The following SYT1 variants were observed in gnomAD, a reference collection of about 807,000 sequenced individuals.
The protein encoded by SYT1 is synaptotagmin 1, also known as synaptotagmin-1.
In SYT1, 8 loss-of-function variants were observed where a neutral mutation model predicts 44.8. The observed-to-expected ratio is 0.18, with a 90% CI of 0.10 to 0.32. The LOEUF (loss-of-function observed/expected upper bound fraction) is 0.32, where lower values mean the gene tolerates loss of function less well. Among genes scored for constraint, SYT1 ranks in the 10% least tolerant of loss-of-function variants. The pLI, the probability that SYT1 is intolerant of heterozygous loss-of-function variation, is 1.00. For synonymous variants in SYT1, 154 were observed against 188.8 expected, an observed-to-expected ratio of 0.82 and a Z score of 1.51; for missense variants, 286 against 509.3, an observed-to-expected ratio of 0.56 and a Z score of 4.22.
chr12:79,003,302 C>G (rs545003591), intron 2 of SYT1, among the ~76,000 whole-genome samples: 2 of 151,872 alleles, frequency 1.3e-5, no homozygotes, highest in East Asian at 1.9e-4. Flanking sequence ...ACTGATCCCC[C>G]CCACCACACA....
chr12:79,195,306 C>T (rs1873385434), intron 3 of SYT1, among the ~76,000 whole-genome samples: 1 of 152,116 alleles, frequency 6.6e-6, no homozygotes, highest in Non-Finnish European at 1.5e-5. Flanking sequence ...TGTCCATCAT[C>T]TGTTTTCAGA....
chr12:79,216,680 T>C (rs1490070019), intron 3 of SYT1, among the ~76,000 whole-genome samples: 2 of 152,210 alleles, frequency 1.3e-5, no homozygotes, highest in Admixed American at 1.3e-4. Context: ...ACTTTATTAA[T>C]TATTTTGGCA....
intron 1 of SYT1, among the ~76,000 whole-genome samples, chr12:78,962,776 A>C (rs1879578828): frequency 6.7e-6 from 1 of 149,226 alleles, no homozygotes; most frequent in Non-Finnish European, 1.5e-5. Context: ...AAATCTACTC[A>C]CCATGCCACA....
chr12:79,175,996 A>T (rs1871838462), intron 3 of SYT1, among the ~76,000 whole-genome samples: 1 of 152,106 alleles, frequency 6.6e-6, no homozygotes, highest in Non-Finnish European at 1.5e-5. Flanking sequence ...TTTGGTTCAG[A>T]AAGTACAGAG....
At chr12:79,403,639 G>A (rs915543169) in intron 9 of SYT1, among the ~76,000 whole-genome samples, 1 of 152,112 alleles carries the variant, frequency 6.6e-6, no homozygotes, top group Non-Finnish European at 1.5e-5. Flanking sequence ...GTTTTATTAT[G>A]ATCTAGATAT....
intron 3 of SYT1, among the ~76,000 whole-genome samples, chr12:79,115,973 A>G (rs1212256853): frequency 1.3e-5 from 2 of 152,242 alleles, no homozygotes; most frequent in Admixed American, 6.5e-5. Context: ...CAAACAGAGT[A>G]GATTCTAATG....
intron 1 of SYT1, among the ~76,000 whole-genome samples, chr12:78,969,286 C>G (rs868244020): frequency 3.8e-4 from 58 of 152,060 alleles, no homozygotes; most frequent in African/African-American, 5.1e-4. Context: ...GGTCCTGGGA[C>G]CAATCCCCAA....
intron 3 of SYT1, among the ~76,000 whole-genome samples, chr12:79,216,576 A>T (rs1404604213): frequency 6.6e-6 from 1 of 152,210 alleles, no homozygotes; most frequent in Non-Finnish European, 1.5e-5. Flanking sequence ...GAAGGTGGAT[A>T]AATTAGGATG....
At chr12:79,265,364 T>C (rs1169222440) in intron 4 of SYT1, among the ~76,000 whole-genome samples, 2 of 152,164 alleles carry the variant, frequency 1.3e-5, no homozygotes, top group Non-Finnish European at 2.9e-5. Flanking sequence ...TTATACTTGA[T>C]ACTGCCCTGT....
chr12:79,022,622 T>C (rs945880862), intron 2 of SYT1, among the ~76,000 whole-genome samples: 1 of 151,586 alleles, frequency 6.6e-6, no homozygotes, highest in African/African-American at 2.4e-5. Flanking sequence ...GTTTTAAATA[T>C]ATTAATTATG....
At chr12:79,288,426 A>G (rs1345810297) in intron 5 of SYT1, among the ~76,000 whole-genome samples, 2 of 152,166 alleles carry the variant, frequency 1.3e-5, no homozygotes, top group East Asian at 3.8e-4. Flanking sequence ...ATCTTAAGAA[A>G]TATCTATATA....
intron 4 of SYT1, among the ~76,000 whole-genome samples, chr12:79,261,756 T>C (rs143173065): frequency 0.011 from 1,683 of 152,304 alleles, 28 homozygotes; most frequent in African/African-American, 0.037. Flanking sequence ...ACAGTTATTA[T>C]TGCGGTATTA....
chr12:79,372,322 A>G (rs1883823026), intron 9 of SYT1, among the ~76,000 whole-genome samples: 1 of 152,348 alleles, frequency 6.6e-6, no homozygotes, highest in African/African-American at 2.4e-5. Context: ...AAGTAAAGTG[A>G]ATTAAATTCA....
chr12:79,192,483 C>G (rs564449597), intron 3 of SYT1, among the ~76,000 whole-genome samples: 1 of 152,050 alleles, frequency 6.6e-6, no homozygotes, highest in Non-Finnish European at 1.5e-5. Flanking sequence ...GCTCATTACT[C>G]GGGGAATACT....
At chr12:79,004,943 AC>A (rs1339508214) in intron 2 of SYT1, among the ~76,000 whole-genome samples, 2 of 152,022 alleles carry the variant, frequency 1.3e-5, no homozygotes, top group Admixed American at 6.6e-5. Flanking sequence ...AGCAGAGTTT[AC>A]ACAAAAACTT....
intron 2 of SYT1, among the ~76,000 whole-genome samples, chr12:79,019,349 A>G (rs1872030343): frequency 6.6e-6 from 1 of 152,066 alleles, no homozygotes; most frequent in Admixed American, 6.6e-5. Flanking sequence ...AAGCCAAATT[A>G]AGTTACTCAT....
intron 3 of SYT1, among the ~76,000 whole-genome samples, chr12:79,104,029 G>C (rs1878577034): frequency 6.6e-6 from 1 of 152,074 alleles, no homozygotes; most frequent in Non-Finnish European, 1.5e-5. Context: ...TAGCTGCACA[G>C]GGATTGTTTT....
At chr12:79,338,842 C>T (rs992095180) in intron 8 of SYT1, among the ~76,000 whole-genome samples, 12 of 151,976 alleles carry the variant, frequency 7.9e-5, no homozygotes, top group Non-Finnish European at 1.5e-4. Flanking sequence ...CACAACAGGC[C>T]CGTGTGTGAT....
At chr12:78,884,573 G>A (rs971713552) in intron 1 of SYT1, among the ~76,000 whole-genome samples, 39 of 151,342 alleles carry the variant, frequency 2.6e-4, no homozygotes, top group African/African-American at 8.7e-4. Flanking sequence ...CATCTTGTTT[G>A]TTTAATATTT....
Sources: allele counts gnomAD v4.1 joint callset (sites outside exome capture counted in the v4.1 genomes callset), GRCh38; gene constraint gnomAD v4.1.1; transcripts MANE v1.5; gene names NCBI Gene and HGNC (gene_info 2026-07-23, HGNC 2026-07-21).